The following ABCG2 variants were observed in gnomAD, a reference collection of about 807,000 sequenced individuals.
The protein encoded by ABCG2 is ATP binding cassette subfamily G member 2 (JR blood group), also known as broad substrate specificity ATP-binding cassette transporter ABCG2.
In ABCG2, 80 loss-of-function variants were observed where a neutral mutation model predicts 73.5. The ratio of observed to expected loss-of-function variants is 1.09; its 90% confidence interval spans 0.91 to 1.31. The LOEUF is 1.31. Among genes scored for constraint, ABCG2 ranks in the 50% most tolerant of loss-of-function variants. The pLI is 0.00. For synonymous variants in ABCG2, 269 were observed against 282.4 expected (o/e 0.95, Z 0.48); for missense variants, 796 against 786.2 (o/e 1.01, Z -0.15).
chr4:88,158,697 C>T (rs1727124529), upstream of ABCG2: 1 of 455,764 alleles, frequency 2.2e-6, no homozygotes, highest in Non-Finnish European at 4.4e-6. Context: ...GCAGCCCGCG[C>T]GCGGCACAAC....
chr4:88,137,023 A>G (rs574462205), intron 2 of ABCG2, among the ~76,000 whole-genome samples: 3 of 112,458 alleles, frequency 2.7e-5, no homozygotes, highest in African/African-American at 2.4e-4. Flanking sequence ...AATAAAATAA[A>G]ATAAAATAAA....
intron 1 of ABCG2, among the ~76,000 whole-genome samples, chr4:88,182,860 C>T (rs1483477067): frequency 6.6e-6 from 1 of 151,854 alleles, no homozygotes; most frequent in Non-Finnish European, 1.5e-5. Context: ...CCAAAGCAGG[C>T]AGATCACGAG....
chr4:88,107,820 G>T (rs1045128798), intron 9 of ABCG2, among the ~76,000 whole-genome samples: 1 of 152,296 alleles, frequency 6.6e-6, no homozygotes, highest in East Asian at 1.9e-4. Context: ...GCACAGTGAG[G>T]AAATAGGGGT....
chr4:88,150,237 A>C (rs1017377328), intron 1 of ABCG2, among the ~76,000 whole-genome samples: 6 of 152,188 alleles, frequency 3.9e-5, no homozygotes, highest in Non-Finnish European at 7.4e-5. Context: ...GAATTGCTTG[A>C]ACCCGGGAGG....
chr4:88,198,777 A>G (rs1052256292), intron 1 of ABCG2, among the ~76,000 whole-genome samples: 1 of 152,250 alleles, frequency 6.6e-6, no homozygotes, highest in African/African-American at 2.4e-5. Flanking sequence ...TTACGGGTTG[A>G]CTAAACATAG....
chr4:88,093,346 T>C (rs1300867261), intron 15 of ABCG2, among the ~76,000 whole-genome samples: 1 of 151,600 alleles, frequency 6.6e-6, no homozygotes, highest in Non-Finnish European at 1.5e-5. Context: ...CTACTAAAAA[T>C]ACAAAAAATT....
intron 8 of ABCG2, 84 bp downstream of exon 8, chr4:88,114,873 G>A: frequency 1.2e-6 from 1 of 856,140 alleles, no homozygotes; most frequent in Non-Finnish European, 1.8e-6. Flanking sequence ...AATTCACAAA[G>A]CCACATTTTA....
chr4:88,166,341 G>A (rs897792572), intron 1 of ABCG2, among the ~76,000 whole-genome samples: 12 of 152,208 alleles, frequency 7.9e-5, no homozygotes, highest in African/African-American at 2.9e-4. Context: ...AAGCCCATTT[G>A]TCTTTCCACA....
chr4:88,117,825 G>A (rs1230048725), intron 7 of ABCG2, among the ~76,000 whole-genome samples: 1 of 152,150 alleles, frequency 6.6e-6, no homozygotes, highest in South Asian at 2.1e-4. Context: ...TAATTACTGA[G>A]CTTTTAAGAA....
chr4:88,116,391 C>A (rs1723580056), intron 7 of ABCG2, among the ~76,000 whole-genome samples: 1 of 151,952 alleles, frequency 6.6e-6, no homozygotes, highest in African/African-American at 2.4e-5. Context: ...TAGTTCATCC[C>A]CTTTATTAAA....
chr4:88,139,943 T>C lies in ABCG2; in HGVS notation c.53A>G (p.Asn18Ser). The change falls in exon 2 of 16, where the codon AAT becomes AGT. Residue 18 changes from asparagine (N) to serine (S), a missense_variant. By Grantham distance (46) the Asn-to-Ser change is conservative (BLOSUM62 1). Coordinates refer to ENST00000237612, the MANE Select transcript of ABCG2 (RefSeq NM_004827.3). ...VFIPVSQGNT[N>S]GFPATASNDL... ...ATTGGAAGCTGTCGCGGGGAAGCCA[T>C]TGGTGTTTCCTTGTGACACTGGGAT... 6.2e-7 allele frequency: 1 copy of C among 1,614,170 alleles called. No individual in the cohort carries two copies. The highest frequency in any genetic ancestry group is 8.5e-7 in the Non-Finnish European group (1 of 1,180,018).
intron 1 of ABCG2, among the ~76,000 whole-genome samples, chr4:88,209,309 C>CAAAAAA (rs60027656): frequency 2.5e-5 from 2 of 81,462 alleles, no homozygotes; most frequent in Non-Finnish European, 4.9e-5. Flanking sequence ...GACTCCATCT[C>CAAAAAA]AAAAAAAAAA....
upstream of ABCG2, among the ~76,000 whole-genome samples, chr4:88,163,200 G>A (rs1025249248): frequency 1.3e-5 from 2 of 152,182 alleles, no homozygotes; most frequent in African/African-American, 4.8e-5. Flanking sequence ...CCACAGCCCA[G>A]CTCACAGCTA....
Position 88,092,052 on chromosome 4 carries a change from G to C in ABCG2, c.*182C>G. On this transcript the variant is annotated 3_prime_UTR_variant, in exon 16 of 16. Transcript: ENST00000237612. Reference sequence around the variant, plus strand: ...CTAATATGCGATACATGATGTCTTGGGTTCTTTCATGTTTAATTCAGTTTG... The same window carrying C: ...CTAATATGCGATACATGATGTCTTGCGTTCTTTCATGTTTAATTCAGTTTG... 1 of 573,554 alleles carries C rather than the reference G, an allele frequency of 1.7e-6. No homozygotes were observed. Among genetic ancestry groups the C allele is most frequent in the African/African-American group, 1.9e-5 (1 of 53,264 alleles). 35.5% of individuals were successfully genotyped at this position (573,554 alleles called of 1,614,324 possible).
At chr4:88,198,255 C>T (rs1056042612) in intron 1 of ABCG2, among the ~76,000 whole-genome samples, 17 of 151,928 alleles carry the variant, frequency 1.1e-4, no homozygotes, top group Admixed American at 5.9e-4. Flanking sequence ...ATAGCTTGAA[C>T]CCAGGAGGCA....
chr4:88,217,542 G>A (rs1729858662), intron 1 of ABCG2, among the ~76,000 whole-genome samples: 1 of 151,936 alleles, frequency 6.6e-6, no homozygotes, highest in Non-Finnish European at 1.5e-5. Context: ...TGTGCCTATA[G>A]TCCCAGCTAC....
intron 5 of ABCG2, among the ~76,000 whole-genome samples, chr4:88,130,062 A>G (rs534662514): frequency 6.6e-6 from 1 of 152,242 alleles, no homozygotes; most frequent in East Asian, 1.9e-4. Context: ...CAGACACTAC[A>G]TAAATGAGAA....
At chr4:88,154,592 G>A (rs1726789692) in intron 1 of ABCG2, among the ~76,000 whole-genome samples, 1 of 152,124 alleles carries the variant, frequency 6.6e-6, no homozygotes, top group Non-Finnish European at 1.5e-5. Flanking sequence ...TAAACCAAGT[G>A]TTCAGGGTGA....
At chr4:88,121,173 G>A (rs867690312) in intron 6 of ABCG2, among the ~76,000 whole-genome samples, 1 of 152,094 alleles carries the variant, frequency 6.6e-6, no homozygotes, top group Admixed American at 6.6e-5. Flanking sequence ...TAAGCAAAAT[G>A]GGAGACTCAC....
Sources: allele counts gnomAD v4.1 joint callset (sites outside exome capture counted in the v4.1 genomes callset), GRCh38; gene constraint gnomAD v4.1.1; transcripts MANE v1.5; gene names NCBI Gene and HGNC (gene_info 2026-07-23, HGNC 2026-07-21).